IL1RAP: variants seen among roughly 807,000 people sequenced by gnomAD.
IL1RAP encodes interleukin 1 receptor accessory protein, also known as interleukin-1 receptor accessory protein.
Under a neutral mutation model 60.7 loss-of-function variants are expected in IL1RAP, and 35 were observed. That is an observed-to-expected ratio of 0.58 (90% CI 0.44 to 0.76). The LOEUF is 0.76. Among genes scored for constraint, IL1RAP ranks in the 30% least tolerant of loss-of-function variants. IL1RAP has a pLI of 0.00. For synonymous variants in IL1RAP, 268 were observed against 250.9 expected, an observed-to-expected ratio of 1.07 and a Z score of -0.64; for missense variants, 572 against 693.9, an observed-to-expected ratio of 0.82 and a Z score of 1.97.
At chr3:190,525,600 A>G (rs1722441212) in intron 1 of IL1RAP, among the ~76,000 whole-genome samples, 1 of 152,300 alleles carries the variant, frequency 6.6e-6, no homozygotes, top group Non-Finnish European at 1.5e-5. Context: ...GAGAAGACCA[A>G]CTGCTCTGAT....
At chr3:190,635,333 C>G (rs1347814171) in intron 9 of IL1RAP, among the ~76,000 whole-genome samples, 2 of 151,806 alleles carry the variant, frequency 1.3e-5, no homozygotes, top group Non-Finnish European at 2.9e-5. Context: ...ATTGATTTTT[C>G]TCTGTTGTTT....
intron 3 of IL1RAP, among the ~76,000 whole-genome samples, chr3:190,587,365 A>G (rs762900374): frequency 2.0e-5 from 3 of 152,240 alleles, no homozygotes; most frequent in Non-Finnish European, 4.4e-5. Flanking sequence ...GGCATTATGA[A>G]GAGTGAAAAT....
chr3:190,627,839 C>A (rs1732444005), intron 8 of IL1RAP, among the ~76,000 whole-genome samples: 1 of 152,094 alleles, frequency 6.6e-6, no homozygotes, highest in Non-Finnish European at 1.5e-5. Flanking sequence ...TACGTGGAAA[C>A]CTACAGTGTA....
intron 3 of IL1RAP, among the ~76,000 whole-genome samples, chr3:190,594,667 A>T (rs1381158447): frequency 1.3e-5 from 2 of 152,160 alleles, no homozygotes; most frequent in African/African-American, 4.8e-5. Flanking sequence ...GCCTAACTGA[A>T]AGTCCCCACA....
chr3:190,633,662 G>A (rs1247947214), intron 9 of IL1RAP, among the ~76,000 whole-genome samples: 1 of 152,032 alleles, frequency 6.6e-6, no homozygotes, highest in East Asian at 1.9e-4. Context: ...TGCCCGGCCT[G>A]TAATAGTACT....
At chr3:190,544,382 C>T (rs1469872615) in intron 1 of IL1RAP, among the ~76,000 whole-genome samples, 1 of 152,184 alleles carries the variant, frequency 6.6e-6, no homozygotes, top group South Asian at 2.1e-4. Flanking sequence ...TTAAATCCAC[C>T]AGCATGTCTT....
intron 3 of IL1RAP, among the ~76,000 whole-genome samples, chr3:190,600,395 T>C (rs903310109): frequency 1.3e-5 from 2 of 152,208 alleles, no homozygotes; most frequent in African/African-American, 2.4e-5. Context: ...TATATAGCTG[T>C]CATTCTGTCT....
At chr3:190,597,302 A>T (rs988555457) in intron 3 of IL1RAP, among the ~76,000 whole-genome samples, 3 of 152,268 alleles carry the variant, frequency 2.0e-5, no homozygotes, top group Non-Finnish European at 1.5e-5. Context: ...AACTTATGTT[A>T]TGAAAGGAAA....
intron 1 of IL1RAP, among the ~76,000 whole-genome samples, chr3:190,519,567 A>C (rs1229710071): frequency 2.0e-5 from 3 of 151,918 alleles, no homozygotes; most frequent in Non-Finnish European, 4.4e-5. Context: ...GAAATTTGGA[A>C]ACTCATATAA....
At chr3:190,629,057 C>T (rs1054909473) in intron 8 of IL1RAP, among the ~76,000 whole-genome samples, 1 of 152,074 alleles carries the variant, frequency 6.6e-6, no homozygotes, top group African/African-American at 2.4e-5. Context: ...CATCCTGGCT[C>T]AGAAGTTTAA....
At chr3:190,635,213 T>G (rs1296587223) in intron 9 of IL1RAP, among the ~76,000 whole-genome samples, 1 of 152,198 alleles carries the variant, frequency 6.6e-6, no homozygotes. Flanking sequence ...TTTAGTGATG[T>G]TCCACTGTCA....
chr3:190,654,328 C>T (rs1366708867), downstream of IL1RAP, among the ~76,000 whole-genome samples: 1 of 151,938 alleles, frequency 6.6e-6, no homozygotes, highest in African/African-American at 2.4e-5. Context: ...TTCCCACTTT[C>T]ATATTCTCTG....
At chr3:190,564,195 A>G (rs1369957752) in intron 2 of IL1RAP, 94 bp from the exon 3 acceptor site, 1 of 792,456 alleles carries the variant, frequency 1.3e-6, no homozygotes, top group Non-Finnish European at 2.3e-6. Context: ...AACAGTCCCT[A>G]GTCTATAGTC....
At position 190,626,872 on chromosome 3, in the gene IL1RAP, G is replaced by A. The variant is rs190726678; in HGVS notation, c.776-451G>A. Among the ~76,000 whole-genome samples, 40 of 152,056 alleles carry A rather than the reference G, an allele frequency of 2.6e-4. No homozygotes were observed. In the East Asian group the frequency reaches 4.3e-3, roughly 16 times the overall value. On this transcript the variant is annotated intron_variant, in intron 7 of 11. Transcript: ENST00000447382. Reference sequence around the variant, plus strand: ...TTTAGTAGAGACGGGGTTTCACCATGTTGGCCAGGCTGGTCTTGAACTCCT... The same window carrying A: ...TTTAGTAGAGACGGGGTTTCACCATATTGGCCAGGCTGGTCTTGAACTCCT...
intron 1 of IL1RAP, among the ~76,000 whole-genome samples, chr3:190,555,224 G>A (rs1169575750): frequency 6.6e-6 from 1 of 152,046 alleles, no homozygotes; most frequent in Non-Finnish European, 1.5e-5. Context: ...GGCCTGTGGT[G>A]GTGATAATTT....
intron 7 of IL1RAP, among the ~76,000 whole-genome samples, chr3:190,625,702 A>G (rs1732199543): frequency 6.6e-6 from 1 of 152,368 alleles, no homozygotes; most frequent in East Asian, 1.9e-4. Context: ...GCCAAAAAAA[A>G]TCAAGATAAG....
At chr3:190,530,589 C>T (rs1193934661) in intron 1 of IL1RAP, among the ~76,000 whole-genome samples, 1 of 152,140 alleles carries the variant, frequency 6.6e-6, no homozygotes, top group Non-Finnish European at 1.5e-5. Flanking sequence ...GCCTAGATAA[C>T]TCTTCTTAAA....
intron 1 of IL1RAP, among the ~76,000 whole-genome samples, chr3:190,525,935 T>C (rs1722474090): frequency 6.6e-6 from 1 of 152,204 alleles, no homozygotes; most frequent in African/African-American, 2.4e-5. Flanking sequence ...TTAGGAAACT[T>C]TAGCTACCAG....
chr3:190,544,517 T>C (rs1000249182), intron 1 of IL1RAP, among the ~76,000 whole-genome samples: 1 of 152,194 alleles, frequency 6.6e-6, no homozygotes, highest in Non-Finnish European at 1.5e-5. Context: ...TCATGAGCCT[T>C]ACTCTAAAAC....
Sources: gnomAD v4.1 joint callset for allele counts (sites outside exome capture counted in the v4.1 genomes callset) on GRCh38, gnomAD v4.1.1 for gene constraint, MANE v1.5 for transcripts, NCBI Gene and HGNC (gene_info 2026-07-23, HGNC 2026-07-21) for gene names.